The following LRRK2 variants were observed in gnomAD, a reference collection of about 807,000 sequenced individuals.
LRRK2 encodes leucine rich repeat kinase 2, also known as leucine-rich repeat serine/threonine-protein kinase 2.
LRRK2 carries 203 observed loss-of-function variants against 302.6 expected under a neutral mutation model. The observed-to-expected ratio is 0.67, with a 90% CI of 0.60 to 0.75. The LOEUF (loss-of-function observed/expected upper bound fraction) is 0.75, where lower values mean the gene tolerates loss of function less well. LRRK2 is among the 30% of genes least tolerant of loss of function. The pLI is 0.00. For synonymous variants in LRRK2, 1,066 were observed against 1,031.9 expected, an observed-to-expected ratio of 1.03 and a Z score of -0.63; for missense variants, 2,830 against 2,951.0, an observed-to-expected ratio of 0.96 and a Z score of 0.95.
chr12:40,277,875 C>A lies in LRRK2; in HGVS notation c.1942-13C>A. ...AATTGCTTATTTTATTATTTTTTTTCTTATACTTTTAGGGATTTCAGACAA... is the reference window on the plus strand; with the variant it reads ...AATTGCTTATTTTATTATTTTTTTTATTATACTTTTAGGGATTTCAGACAA... On this transcript the variant is annotated splice_polypyrimidine_tract_variant and intron_variant, in intron 16 of 50. Transcript: ENST00000298910. 1 of 1,583,206 alleles carries A rather than the reference C, an allele frequency of 6.3e-7. No individual in the cohort carries two copies. Among genetic ancestry groups the A allele is most frequent in the South Asian group, 1.1e-5 (1 of 88,632 alleles).
intron 47 of LRRK2, among the ~76,000 whole-genome samples, chr12:40,361,850 CTCA>C (rs1364956985): frequency 6.6e-6 from 1 of 151,988 alleles, no homozygotes; most frequent in Non-Finnish European, 1.5e-5. Context: ...CATCAGTACC[CTCA>C]TCATCATCAG....
chr12:40,291,285 G>A (rs943227607), intron 20 of LRRK2, among the ~76,000 whole-genome samples: 4 of 151,774 alleles, frequency 2.6e-5, no homozygotes, highest in Non-Finnish European at 5.9e-5. Flanking sequence ...GTTGTGGGGT[G>A]GGGGGAAGGG....
chr12:40,357,997 G>C (rs1225212808), intron 46 of LRRK2, among the ~76,000 whole-genome samples: 1 of 151,960 alleles, frequency 6.6e-6, no homozygotes, highest in Non-Finnish European at 1.5e-5. Context: ...CAAACTCCTG[G>C]GCTCAAGCAA....
At chr12:40,254,765 A>C (rs1204182764) in intron 11 of LRRK2, among the ~76,000 whole-genome samples, 3 of 152,146 alleles carry the variant, frequency 2.0e-5, no homozygotes, top group African/African-American at 7.2e-5. Flanking sequence ...GTCTTTGTTC[A>C]GTTTTCTGCT....
In LRRK2 at chr12:40,259,559, G is replaced by A. The variant is rs760406051; in HGVS notation, c.1498G>A (p.Val500Met). 4.3e-6 allele frequency: 7 copies of A among 1,613,378 alleles called. No homozygotes were observed. Among genetic ancestry groups the A allele is most frequent in the Middle Eastern group, 1.7e-4 (1 of 6,054 alleles). ...GAAACGTCATGAGACATCATTACCA[G>A]TGCAGCTGGAGGCGCTTCGAGCTAT... Reference protein sequence around the residue: ...VMKRHETSLPVQLEALRAILH... With the variant: ...VMKRHETSLPMQLEALRAILH... The change falls in exon 13 of 51, where the codon GTG becomes ATG. Residue 500 changes from valine (V) to methionine (M), a missense_variant. By Grantham distance (21) the Val-to-Met change is conservative (BLOSUM62 1). Transcript: ENST00000298910.
intron 2 of LRRK2, among the ~76,000 whole-genome samples, chr12:40,231,164 A>G (rs1332880794): frequency 1.3e-5 from 2 of 152,106 alleles, no homozygotes; most frequent in African/African-American, 2.4e-5. Flanking sequence ...AAAATCTCCA[A>G]CTTCACCTAA....
intron 41 of LRRK2, among the ~76,000 whole-genome samples, chr12:40,340,764 A>C (rs1946014402): frequency 6.6e-6 from 1 of 152,188 alleles, no homozygotes; most frequent in Admixed American, 6.5e-5. Context: ...GTAACAGCAA[A>C]AACTTTAGTC....
chr12:40,345,143 A>G (rs1010710747), intron 41 of LRRK2, among the ~76,000 whole-genome samples: 4 of 152,200 alleles, frequency 2.6e-5, no homozygotes, highest in African/African-American at 9.6e-5. Context: ...TGCATATTTA[A>G]ATTACTTTAA....
intron 13 of LRRK2, among the ~76,000 whole-genome samples, chr12:40,262,483 A>G (rs914664945): frequency 5.9e-5 from 9 of 152,174 alleles, no homozygotes; most frequent in African/African-American, 2.2e-4. Context: ...TTTGTGCAAC[A>G]ATCTTGTCCT....
In LRRK2 at chr12:40,365,041, G is replaced by C. The variant is rs754359001; in HGVS notation, c.7381G>C (p.Ala2461Pro). 5.0e-6 allele frequency: 8 copies of C among 1,611,544 alleles called. No homozygotes were observed. Among genetic ancestry groups the C allele is most frequent in the Non-Finnish European group, 5.9e-6 (7 of 1,178,288 alleles). The change falls in exon 49 of 51, where the codon GCA becomes CCA. Residue 2461 changes from alanine (A) to proline (P), a missense_variant. Ala to Pro is a conservative substitution (Grantham distance 27). Transcript: ENST00000298910. ...TAATTCGGTCAGAGTCATGATGACAGCACAGCTAGGCAAGTTTCTTTCCTT... is the reference window on the plus strand; with the variant it reads ...TAATTCGGTCAGAGTCATGATGACACCACAGCTAGGCAAGTTTCTTTCCTT... Reference protein sequence around the residue: ...FCNSVRVMMTAQLGSLKNVML... With the variant: ...FCNSVRVMMTPQLGSLKNVML...
In LRRK2 at chr12:40,236,424, T is replaced by C. The variant is rs572713468; in HGVS notation, c.436+710T>C. Among the ~76,000 whole-genome samples the C allele has an allele frequency of 2.2e-3, 335 of 152,260 alleles. 2 individuals carry two copies. The highest frequency in any genetic ancestry group is 7.7e-4 in the East Asian group (4 of 5,190). On this transcript the variant is annotated intron_variant, in intron 4 of 50. Transcript: ENST00000298910. The stretch of plus-strand genomic sequence containing the variant: ...GTCAGGTTCCTTCCCTGAGAAAACT[T>C]TGGCCTGGTAGATAATGGACCTGAA...
rs200420425 is a variant in LRRK2 at position 40,367,092 on chromosome 12, G to C, written c.7462+15G>C. ...AAAGCAGAAAGGTAACATTTAGAAG[G>C]ATACTGTTTTCCAAACAGGGCAATG... On this transcript the variant is annotated intron_variant, in intron 50 of 50. Coordinates refer to ENST00000298910, the MANE Select transcript of LRRK2 (RefSeq NM_198578.4). The C allele has an allele frequency of 1.6e-4, 259 of 1,595,374 alleles. 2 individuals are homozygous for C. In the East Asian group the frequency reaches 4.8e-3, roughly 30 times the overall value.
chr12:40,303,908 A>G (rs1433257292), intron 26 of LRRK2, 40 bp from the exon 27 acceptor site: 1 of 1,587,294 alleles, frequency 6.3e-7, no homozygotes, highest in Non-Finnish European at 8.6e-7. Context: ...TATTTTGGAA[A>G]TACTCATTTG....
rs1341775502 is a variant in LRRK2, at chr12:40,351,608, A to G, written c.6451A>G (p.Ile2151Val). The change falls in exon 44 of 51, where the codon ATT becomes GTT. Residue 2151 changes from isoleucine (I) to valine (V), a missense_variant. Transcript: ENST00000298910. ...TRRILLPKNVIVECMVATHHN... is the reference protein window; with the variant it reads ...TRRILLPKNVVVECMVATHHN... Reference sequence around the variant, plus strand: ...ACGCATTTTATTACCTAAAAACGTAATTGTTGAATGCATGGTTGCTACACA... The same window carrying G: ...ACGCATTTTATTACCTAAAAACGTAGTTGTTGAATGCATGGTTGCTACACA... 2 of 1,614,214 alleles carry G rather than the reference A, an allele frequency of 1.2e-6. No homozygotes were observed. Among genetic ancestry groups the G allele is most frequent in the South Asian group, 2.2e-5 (2 of 91,086 alleles).
Position 40,235,718 on chromosome 12 carries a change from A to G in LRRK2, c.436+4A>G. ...TTAGATCTCCTCCTAACTTCAGGTA[A>G]TATGTGTATATGTTTTTTGTGTTGA... is the stretch of plus-strand genomic sequence containing the variant. On this transcript the variant is annotated splice_donor_region_variant and intron_variant, in intron 4 of 50. Coordinates refer to ENST00000298910, the MANE Select transcript of LRRK2 (RefSeq NM_198578.4). 6.6e-7 allele frequency: 1 copy of G among 1,523,368 alleles called. No individual in the cohort carries two copies. The highest frequency in any genetic ancestry group is 9.1e-7 in the Non-Finnish European group (1 of 1,097,990). 94.4% of individuals were successfully genotyped at this position (1,523,368 alleles called of 1,614,324 possible). A position where few individuals can be genotyped will look rare whatever the true frequency, so the allele number is the denominator to read the frequency against.
At chr12:40,259,378 TA>T in intron 12 of LRRK2, 101 bp from the exon 13 acceptor site, 2 of 1,413,214 alleles carry the variant, frequency 1.4e-6, no homozygotes, top group Non-Finnish European at 2.0e-6. Flanking sequence ...TCTTTCCTGA[TA>T]AAATATATTG....
At position 40,320,100 on chromosome 12, in the gene LRRK2, C is replaced by T; in HGVS notation, c.4940C>T (p.Ser1647Leu). 1 of 1,611,646 alleles carries T rather than the reference C, an allele frequency of 6.2e-7. No individual in the cohort carries two copies. The highest frequency in any genetic ancestry group is 8.5e-7 in the Non-Finnish European group (1 of 1,178,594). The part of the protein sequence containing the change: ...KKRKFPKNYM[S>L]QYFKLLEKFQ... ...AGGAAATTTCCAAAGAACTACATGT[C>T]ACAGTATTTTAAGCTCCTAGAAAAA... The change falls in exon 34 of 51, where the codon TCA becomes TTA. Residue 1647 changes from serine (S) to leucine (L), a missense_variant. Ser to Leu is a moderately radical substitution (Grantham distance 145). Around this residue, in one of 3 missense-constraint regions of LRRK2, gnomAD observed 2,121 missense variants for 2,148.0 expected, o/e 0.99. Coordinates refer to ENST00000298910, the MANE Select transcript of LRRK2 (RefSeq NM_198578.4).
At chr12:40,292,692 C>A (rs1299806285) in intron 20 of LRRK2, among the ~76,000 whole-genome samples, 1 of 151,780 alleles carries the variant, frequency 6.6e-6, no homozygotes, top group Non-Finnish European at 1.5e-5. Context: ...TTTGGATATA[C>A]AGATTTTATA....
intron 41 of LRRK2, among the ~76,000 whole-genome samples, chr12:40,342,507 G>T: frequency 7.3e-6 from 1 of 136,056 alleles, no homozygotes; most frequent in Non-Finnish European, 1.6e-5. Context: ...CTGTAACCTA[G>T]ATTTTCTCTT....
Sources: gnomAD v4.1 joint callset for allele counts (sites outside exome capture counted in the v4.1 genomes callset) on GRCh38, gnomAD v4.1.1 for gene constraint, gnomAD v4.1.1 regional missense constraint, MANE v1.5 for transcripts, NCBI Gene and HGNC (gene_info 2026-07-23, HGNC 2026-07-21) for gene names.